The following SATB2 variants were observed in gnomAD, a reference collection of about 807,000 sequenced individuals.
SATB2 encodes the protein DNA-binding protein SATB2.
SATB2 carries 1 observed loss-of-function variant against 73.4 expected under a neutral mutation model. That is an observed-to-expected ratio of 0.01 (90% CI 0.00 to 0.06). The LOEUF is 0.06. Among genes scored for constraint, SATB2 ranks in the 10% least tolerant of loss-of-function variants. The probability of loss-of-function intolerance (pLI) is 1.00; values close to 1 mark genes in which losing one functional copy is unlikely to be tolerated. For missense variants in SATB2, 459 were observed against 945.8 expected, an observed-to-expected ratio of 0.49 and a Z score of 6.75; for synonymous variants, 397 against 367.0, an observed-to-expected ratio of 1.08 and a Z score of -0.93.
At chr2:199,429,151 TA>T (rs1691426082) in intron 3 of SATB2, among the ~76,000 whole-genome samples, 1 of 152,210 alleles carries the variant, frequency 6.6e-6, no homozygotes, top group Non-Finnish European at 1.5e-5. Context: ...CTGTATCATG[TA>T]TAAATTTTCA....
intron 7 of SATB2, among the ~76,000 whole-genome samples, chr2:199,329,684 T>A (rs979466858): frequency 6.6e-6 from 1 of 152,158 alleles, no homozygotes; most frequent in African/African-American, 2.4e-5. Context: ...ACTTTCTGAA[T>A]GTGTGACTCA....
At chr2:199,331,695 T>C (rs1462797176) in intron 7 of SATB2, among the ~76,000 whole-genome samples, 1 of 152,140 alleles carries the variant, frequency 6.6e-6, no homozygotes, top group East Asian at 1.9e-4. Context: ...TTTTTAAAAA[T>C]GTAGTCCAAA....
intron 3 of SATB2, among the ~76,000 whole-genome samples, chr2:199,417,729 T>C (rs1010554650): frequency 3.3e-5 from 5 of 152,202 alleles, no homozygotes; most frequent in Admixed American, 6.5e-5. Flanking sequence ...TTTAACCAGA[T>C]GATGGGGGTG....
chr2:199,434,492 A>C (rs959639072), intron 2 of SATB2, among the ~76,000 whole-genome samples: 2 of 152,202 alleles, frequency 1.3e-5, no homozygotes, highest in Non-Finnish European at 2.9e-5. Context: ...TCTAAACATA[A>C]CCAAGGCAGA....
rs1169541280 is a variant in SATB2 at position 199,308,697 on chromosome 2, C to A, written c.1740+63G>T. ...GTGTGGTGTGTGCCACTTGGACCCT[C>A]AGCAGCTACTGCTGGCACACAGAGC... On this transcript the variant is annotated intron_variant, in intron 10 of 10. Transcript: ENST00000417098. The surrounding 1 kb of genome is among the most constrained non-coding windows in gnomAD (Gnocchi z 4.6). 35 of 1,440,182 alleles carry A rather than the reference C, an allele frequency of 2.4e-5. No homozygotes were observed. Among genetic ancestry groups the A allele is most frequent in the Non-Finnish European group, 3.3e-5 (34 of 1,026,722 alleles). 89.2% of individuals were successfully genotyped at this position (1,440,182 alleles called of 1,614,324 possible).
chr2:199,423,120 G>C (rs1691220705), intron 3 of SATB2, among the ~76,000 whole-genome samples: 1 of 152,056 alleles, frequency 6.6e-6, no homozygotes, highest in African/African-American at 2.4e-5. Context: ...CAAAACCCTA[G>C]TTCTAGACGA....
intron 3 of SATB2, chr2:199,396,002 G>T (rs2105886592): frequency 6.6e-6 from 1 of 152,292 alleles, no homozygotes; most frequent in East Asian, 1.9e-4. Context: ...CCATGGGCAA[G>T]AAATAATTTG....
rs192675724 is a variant in SATB2 at position 199,427,087 on chromosome 2, A to G, written c.346+6251T>C. Among the ~76,000 whole-genome samples, 62 of 152,262 alleles carry G rather than the reference A, an allele frequency of 4.1e-4. 1 individual carries two copies. The highest frequency in any genetic ancestry group is 1.4e-3 in the African/African-American group (58 of 41,538). On this transcript the variant is annotated intron_variant, in intron 3 of 10. Transcript: ENST00000417098. ...GAGACGGGGTTTTGCCATGTTCACC[A>G]GACTGGTCTCAAACCCCTGACCTCA... is the stretch of plus-strand genomic sequence containing the variant.
At chr2:199,408,194 G>A (rs927400369) in intron 3 of SATB2, among the ~76,000 whole-genome samples, 14 of 152,016 alleles carry the variant, frequency 9.2e-5, no homozygotes, top group Non-Finnish European at 1.9e-4. Flanking sequence ...GGGTGAAGAC[G>A]CTTATAAAAT....
intron 6 of SATB2, among the ~76,000 whole-genome samples, chr2:199,357,938 T>C (rs1312499991): frequency 6.6e-6 from 1 of 152,098 alleles, no homozygotes; most frequent in Non-Finnish European, 1.5e-5. Flanking sequence ...ACTCACATAA[T>C]ATAACAGCTT....
intron 3 of SATB2, among the ~76,000 whole-genome samples, chr2:199,400,899 C>A (rs560887310): frequency 2.0e-5 from 3 of 152,150 alleles, no homozygotes; most frequent in Non-Finnish European, 4.4e-5. Context: ...GATTATTTAA[C>A]CTACATTGGT....
intron 6 of SATB2, among the ~76,000 whole-genome samples, chr2:199,360,526 G>A (rs772288793): frequency 6.6e-5 from 10 of 151,932 alleles, no homozygotes; most frequent in South Asian, 2.1e-4. Context: ...CATCCTCACC[G>A]TCCACTCCAT....
At chr2:199,383,864 G>C (rs1251065011) in intron 3 of SATB2, among the ~76,000 whole-genome samples, 1 of 152,088 alleles carries the variant, frequency 6.6e-6, no homozygotes, top group African/African-American at 2.4e-5. Flanking sequence ...TGAAATACAA[G>C]AACAGGCAAG....
intron 5 of SATB2, among the ~76,000 whole-genome samples, chr2:199,375,337 A>C (rs2105859085): frequency 6.6e-6 from 1 of 152,346 alleles, no homozygotes; most frequent in South Asian, 2.1e-4. Context: ...TCAGAGGAAA[A>C]GGAAGAGGTG....
intron 10 of SATB2, among the ~76,000 whole-genome samples, chr2:199,278,265 A>G (rs1283613531): frequency 2.0e-5 from 3 of 152,218 alleles, no homozygotes; most frequent in Non-Finnish European, 4.4e-5. Context: ...ACTTGGTACA[A>G]TTGCAAAACC....
At chr2:199,335,412 T>C (rs116746349) in intron 7 of SATB2, among the ~76,000 whole-genome samples, 395 of 152,318 alleles carry the variant, frequency 2.6e-3, no homozygotes, top group African/African-American at 9.0e-3. Flanking sequence ...TGTATATGTA[T>C]GTACAGTACA....
chr2:199,276,041 C>G (rs1692303492), intron 10 of SATB2, among the ~76,000 whole-genome samples: 1 of 152,188 alleles, frequency 6.6e-6, no homozygotes, highest in Non-Finnish European at 1.5e-5. Flanking sequence ...TGTCTCTAGA[C>G]AATTCCTAGC....
intron 6 of SATB2, among the ~76,000 whole-genome samples, chr2:199,349,930 T>G (rs1470811819): frequency 1.3e-5 from 2 of 152,100 alleles, no homozygotes; most frequent in Non-Finnish European, 2.9e-5. Flanking sequence ...TATACAAGCA[T>G]AAGGCAAGTA....
In SATB2 at chr2:199,270,257, T is replaced by A. The variant is rs1192657407; in HGVS notation, c.*1954A>T. On this transcript the variant is annotated 3_prime_UTR_variant, in exon 11 of 11. Transcript: ENST00000417098. ...TTATTTGAAAAAGTACAGGAAAATGTCCCTTTAAAAACTCCAGAGGTTACT... is the reference window on the plus strand; with the variant it reads ...TTATTTGAAAAAGTACAGGAAAATGACCCTTTAAAAACTCCAGAGGTTACT... 1 of 152,686 alleles carries A rather than the reference T, an allele frequency of 6.5e-6. No homozygotes were observed. Among genetic ancestry groups the A allele is most frequent in the African/African-American group, 2.4e-5 (1 of 41,438 alleles). 9.5% of individuals were successfully genotyped at this position (152,686 alleles called of 1,614,324 possible).
Sources: allele counts gnomAD v4.1 joint callset (sites outside exome capture counted in the v4.1 genomes callset), GRCh38; gene constraint gnomAD v4.1.1; non-coding constraint Gnocchi (gnomAD v3.1); transcripts MANE v1.5; gene names NCBI Gene and HGNC (gene_info 2026-07-23, HGNC 2026-07-21).